PPP4R1: variants seen among roughly 807,000 people sequenced by gnomAD.
PPP4R1 encodes serine/threonine-protein phosphatase 4 regulatory subunit 1.
PPP4R1 carries 42 observed loss-of-function variants against 111.2 expected under a neutral mutation model. The ratio of observed to expected loss-of-function variants is 0.38; its 90% CI spans 0.29 to 0.49. The LOEUF is 0.49. Ranked by LOEUF, PPP4R1 falls within the 20% of genes least tolerant of loss-of-function variation. The probability of loss-of-function intolerance (pLI) is 0.97; values close to 1 mark genes in which losing one functional copy is unlikely to be tolerated. For missense variants in PPP4R1, 1,012 were observed against 1,161.6 expected, an observed-to-expected ratio of 0.87 and a Z score of 1.87; for synonymous variants, 409 against 405.5, an observed-to-expected ratio of 1.01 and a Z score of -0.10.
chr18:9,561,428 G>A (rs763875639), intron 13 of PPP4R1, among the ~76,000 whole-genome samples: 6 of 152,030 alleles, frequency 3.9e-5, no homozygotes, highest in Non-Finnish European at 7.4e-5. Context: ...AGGTGAAGGA[G>A]TCCTGGTGTG....
intron 4 of PPP4R1, among the ~76,000 whole-genome samples, chr18:9,591,370 T>C (rs1331616067): frequency 6.7e-6 from 1 of 150,002 alleles, no homozygotes; most frequent in Non-Finnish European, 1.5e-5. Flanking sequence ...GATACCCAAA[T>C]AGCCAGTAAG....
intron 2 of PPP4R1, among the ~76,000 whole-genome samples, chr18:9,595,584 T>C (rs771515685): frequency 1.3e-5 from 2 of 152,218 alleles, no homozygotes; most frequent in African/African-American, 2.4e-5. Flanking sequence ...AACATTAATA[T>C]ATTTACATTC....
At chr18:9,586,590 AT>A (rs1020640060) in intron 6 of PPP4R1, among the ~76,000 whole-genome samples, 4 of 152,194 alleles carry the variant, frequency 2.6e-5, no homozygotes, top group Non-Finnish European at 5.9e-5. Flanking sequence ...GTATCTAAAA[AT>A]AATAGATTCA....
rs759816725 is a variant in PPP4R1 at position 9,584,543 on chromosome 18, A to G, written c.731T>C (p.Val244Ala). The G allele has an allele frequency of 6.2e-7, 1 of 1,613,384 alleles. No homozygotes were observed. Among genetic ancestry groups the G allele is most frequent in the Admixed American group, 1.7e-5 (1 of 59,866 alleles). The change falls in exon 8 of 20, where the codon GTT becomes GCT. Residue 244 changes from valine to alanine, a missense_variant. By Grantham distance (64) the Val-to-Ala change is moderately conservative. This residue lies in a region of PPP4R1 where 707 missense variants were observed against 742.1 expected (regional missense o/e 0.95). Transcript: ENST00000400556. ...AANFGDICSV[V>A]GQQATEEMLL... is the part of the protein sequence containing the mutation. ...CATTTCTTCAGTAGCTTGCTGGCCA[A>G]CTACACTGCAAATATCTCCAAAATT...
intron 9 of PPP4R1, among the ~76,000 whole-genome samples, chr18:9,578,608 T>C (rs1293387229): frequency 1.3e-5 from 2 of 151,558 alleles, no homozygotes; most frequent in Non-Finnish European, 2.9e-5. Context: ...ATAATAATTA[T>C]ATAGTAAGCA....
intron 10 of PPP4R1, among the ~76,000 whole-genome samples, chr18:9,573,383 AAAG>A (rs988127446): frequency 1.5e-4 from 23 of 152,348 alleles, no homozygotes; most frequent in African/African-American, 5.5e-4. Flanking sequence ...GTTCAGAAAA[AAAG>A]AATAAAGCAA....
intron 11 of PPP4R1, among the ~76,000 whole-genome samples, chr18:9,565,116 G>T (rs935097407): frequency 6.6e-6 from 1 of 152,130 alleles, no homozygotes; most frequent in Non-Finnish European, 1.5e-5. Context: ...CCTCTGTATT[G>T]TATGTTGGTA....
intron 8 of PPP4R1, 121 bp from the exon 9 acceptor site, chr18:9,583,396 T>G: frequency 9.3e-7 from 1 of 1,080,226 alleles, no homozygotes; most frequent in Non-Finnish European, 1.3e-6. Context: ...AGACAGAGTC[T>G]CACTCTTTTG....
rs769277135 is a variant in PPP4R1 at position 9,577,143 on chromosome 18, C to T, written c.967G>A (p.Ala323Thr). Residue 323 changes from alanine to threonine, a missense_variant, in exon 10 of 20, where the codon GCT becomes ACT. Physicochemically the swap from Ala to Thr is moderately conservative, Grantham distance 58. This residue lies in a region of PPP4R1 where 707 missense variants were observed against 742.1 expected (regional missense o/e 0.95). Transcript: ENST00000400556. ...TACTGGCCTGAGCTAGATGGATTAGCAAAAGTAGATATGAAAGGTCCCAGA... is the reference window on the plus strand; with the variant it reads ...TACTGGCCTGAGCTAGATGGATTAGTAAAAGTAGATATGAAAGGTCCCAGA... ...QSLGPFISTF[A>T]NPSSSGQYFK... The T allele has an allele frequency of 1.9e-6, 3 of 1,608,888 alleles. No individual in the cohort carries two copies. The highest frequency in any genetic ancestry group is 2.5e-6 in the Non-Finnish European group (3 of 1,177,150).
chr18:9,592,373 C>T lies in PPP4R1; in HGVS notation c.295+1395G>A, dbSNP rs548860433. Among the ~76,000 whole-genome samples the T allele has an allele frequency of 2.4e-3, 359 of 152,268 alleles. 1 individual carries two copies. Among genetic ancestry groups the T allele is most frequent in the African/African-American group, 7.2e-3 (300 of 41,546 alleles). ...TATCTTTTCCCCTCCTGGGTATGCC[C>T]TTTTCCCTCTCTATACCTCATCTAT... On this transcript the variant is annotated intron_variant, in intron 4 of 19. Transcript: ENST00000400556.
intron 10 of PPP4R1, among the ~76,000 whole-genome samples, chr18:9,574,649 C>CT (rs1391669812): frequency 6.6e-6 from 1 of 152,170 alleles, no homozygotes; most frequent in Non-Finnish European, 1.5e-5. Flanking sequence ...AAGGGAGGAG[C>CT]TGGACGCCAC....
intron 4 of PPP4R1, among the ~76,000 whole-genome samples, chr18:9,591,178 T>C (rs1243088504): frequency 6.6e-6 from 1 of 151,580 alleles, no homozygotes; most frequent in Non-Finnish European, 1.5e-5. Context: ...AGAAATCCCA[T>C]CTCTACTAAA....
At chr18:9,556,031 C>T (rs565176880) in intron 15 of PPP4R1, among the ~76,000 whole-genome samples, 46 of 150,682 alleles carry the variant, frequency 3.1e-4, no homozygotes, top group Middle Eastern at 3.5e-3. Flanking sequence ...CTTAGTGGCA[C>T]GCACCTGTAG....
At chr18:9,578,609 A>G (rs1012368380) in intron 9 of PPP4R1, among the ~76,000 whole-genome samples, 2 of 152,052 alleles carry the variant, frequency 1.3e-5, no homozygotes, top group Admixed American at 1.3e-4. Flanking sequence ...TAATAATTAT[A>G]TAGTAAGCAT....
At chr18:9,555,645 C>A (rs1239930196) in intron 15 of PPP4R1, among the ~76,000 whole-genome samples, 1 of 152,100 alleles carries the variant, frequency 6.6e-6, no homozygotes, top group Non-Finnish European at 1.5e-5. Flanking sequence ...TGCAAAAAAA[C>A]CCCGCTTACT....
chr18:9,556,812 A>C (rs530221548), intron 15 of PPP4R1, among the ~76,000 whole-genome samples: 2 of 152,300 alleles, frequency 1.3e-5, no homozygotes, highest in South Asian at 2.1e-4. Context: ...TTGAAAATAC[A>C]GTATTCCCGG....
chr18:9,572,537 T>C (rs548674080), intron 10 of PPP4R1, among the ~76,000 whole-genome samples: 3 of 152,278 alleles, frequency 2.0e-5, no homozygotes, highest in African/African-American at 7.2e-5. Context: ...TGGCTGAATA[T>C]GTAGGTAAAT....
intron 2 of PPP4R1, among the ~76,000 whole-genome samples, chr18:9,606,992 C>A (rs2067492087): frequency 6.6e-6 from 1 of 152,140 alleles, no homozygotes; most frequent in Non-Finnish European, 1.5e-5. Flanking sequence ...TGCCACCAAT[C>A]TTAAATAAAT....
intron 11 of PPP4R1, among the ~76,000 whole-genome samples, chr18:9,564,739 G>GTGTGTGTGTGTGTGTGTGT (rs1568094920): frequency 2.9e-4 from 5 of 17,364 alleles, no homozygotes; most frequent in Non-Finnish European, 9.3e-4. Context: ...TGTGTGTGTG[G>GTGTGTGTGTGTGTGTGTGT]GGGTATCATC....
Sources: allele counts gnomAD v4.1 joint callset (sites outside exome capture counted in the v4.1 genomes callset), GRCh38; gene constraint gnomAD v4.1.1; regional missense constraint gnomAD v4.1.1; transcripts MANE v1.5; gene names NCBI Gene and HGNC (gene_info 2026-07-23, HGNC 2026-07-21).